Variants in PTPRZ1 observed in about 807,000 individuals in gnomAD.
PTPRZ1 encodes the protein protein tyrosine phosphatase receptor type Z1, also known as receptor-type tyrosine-protein phosphatase zeta.
Under a neutral mutation model 214.1 loss-of-function variants are expected in PTPRZ1, and 82 were observed. That is an observed-to-expected ratio of 0.38 (90% CI 0.32 to 0.46). The LOEUF (loss-of-function observed/expected upper bound fraction) is 0.46. Ranked by LOEUF, PTPRZ1 falls within the 20% of genes least tolerant of loss-of-function variation. The pLI is 1.00. For synonymous variants in PTPRZ1, 945 were observed against 987.9 expected, an observed-to-expected ratio of 0.96 and a Z score of 0.81; for missense variants, 2,603 against 2,748.7, an observed-to-expected ratio of 0.95 and a Z score of 1.19.
chr7:121,879,982 A>T (rs1562997815), intron 1 of PTPRZ1, among the ~76,000 whole-genome samples: 1 of 152,128 alleles, frequency 6.6e-6, no homozygotes, highest in Non-Finnish European at 1.5e-5. Context: ...CTTGATGAAA[A>T]GTTTGATAGG....
At chr7:121,916,406 G>A (rs1419375967) in intron 1 of PTPRZ1, among the ~76,000 whole-genome samples, 1 of 152,116 alleles carries the variant, frequency 6.6e-6, no homozygotes, top group East Asian at 1.9e-4. Context: ...GCAGAGTCCT[G>A]GCCAAAAACA....
At chr7:121,886,555 T>C (rs1360474259) in intron 1 of PTPRZ1, among the ~76,000 whole-genome samples, 1 of 151,922 alleles carries the variant, frequency 6.6e-6, no homozygotes, top group East Asian at 1.9e-4. Flanking sequence ...CCAGCCTACT[T>C]TCTTGCCAAG....
At chr7:122,019,355 C>G (rs1798947737) in intron 13 of PTPRZ1, 87 bp downstream of exon 13, 1 of 1,336,686 alleles carries the variant, frequency 7.5e-7, no homozygotes. Context: ...AAAGCATATT[C>G]AAAATGTATT....
At chr7:122,019,340 T>C (rs949482870) in intron 13 of PTPRZ1, 72 bp downstream of exon 13, 7 of 1,414,070 alleles carry the variant, frequency 5.0e-6, no homozygotes, top group Admixed American at 3.9e-5. Context: ...ATCTGAAAGG[T>C]CTTCAAAGCA....
chr7:121,927,153 A>T (rs990991244), intron 1 of PTPRZ1, among the ~76,000 whole-genome samples: 1 of 152,262 alleles, frequency 6.6e-6, no homozygotes, highest in African/African-American at 2.4e-5. Context: ...TTCATACTAT[A>T]TAAACAGAGT....
intron 19 of PTPRZ1, 129 bp downstream of exon 19, chr7:122,039,018 A>G (rs1799634169): frequency 3.0e-6 from 3 of 983,672 alleles, no homozygotes; most frequent in African/African-American, 3.3e-5. Flanking sequence ...TTTAGTAAAT[A>G]TGACAGCTAA....
At chr7:121,995,986 T>C (rs531652787) in intron 8 of PTPRZ1, among the ~76,000 whole-genome samples, 1 of 152,216 alleles carries the variant, frequency 6.6e-6, no homozygotes, top group South Asian at 2.1e-4. Context: ...TACAGAGCTA[T>C]GGTTCTTATG....
At chr7:121,942,441 G>A (rs1194803352) in intron 2 of PTPRZ1, among the ~76,000 whole-genome samples, 2 of 152,112 alleles carry the variant, frequency 1.3e-5, no homozygotes, top group African/African-American at 4.8e-5. Context: ...GCCAGTTTAG[G>A]ATATATTTAT....
At chr7:122,035,417 A>G (rs1295218545) in intron 17 of PTPRZ1, among the ~76,000 whole-genome samples, 1 of 152,210 alleles carries the variant, frequency 6.6e-6, no homozygotes. Context: ...ACTTTCCTCT[A>G]CAAGCTAAAT....
At chr7:122,041,338 G>T (rs1379150293) in intron 21 of PTPRZ1, among the ~76,000 whole-genome samples, 1 of 152,024 alleles carries the variant, frequency 6.6e-6, no homozygotes, top group East Asian at 1.9e-4. Context: ...TACAACCCCT[G>T]TCCCTAGGAG....
At chr7:122,001,519 C>T (rs559059045) in intron 10 of PTPRZ1, among the ~76,000 whole-genome samples, 6 of 152,236 alleles carry the variant, frequency 3.9e-5, no homozygotes, top group Admixed American at 2.0e-4. Flanking sequence ...TCTTAAGTCA[C>T]CATACATCTG....
At chr7:121,908,625 A>C (rs1795183672) in intron 1 of PTPRZ1, 1 of 395,666 alleles carries the variant, frequency 2.5e-6, no homozygotes, top group Non-Finnish European at 4.8e-6. Context: ...CTTTAATTAC[A>C]AGTAACCATA....
Position 121,880,933 on chromosome 7 carries a change from C to T in PTPRZ1, c.58+7376C>T, listed in dbSNP as rs529296335. 7.2e-5 allele frequency among the ~76,000 whole-genome samples: 11 copies of T among 152,206 alleles called. No homozygotes were observed. In the East Asian group the frequency reaches 2.1e-3, roughly 29 times the overall value. On this transcript the variant is annotated intron_variant, in intron 1 of 29. Coordinates refer to ENST00000393386, the MANE Select transcript of PTPRZ1 (RefSeq NM_002851.3). ...TATTATTGTCATGTGTGTTTTAGTG[C>T]ACAAAAACGCTGACAACCATTTATC...
At chr7:121,908,895 A>C in intron 1 of PTPRZ1, 1 of 512,840 alleles carries the variant, frequency 1.9e-6, no homozygotes, top group Non-Finnish European at 3.9e-6. Flanking sequence ...TTTTTTATTG[A>C]ATATTCATTG....
intron 1 of PTPRZ1, among the ~76,000 whole-genome samples, chr7:121,906,572 G>A (rs925424438): frequency 1.3e-5 from 2 of 152,114 alleles, no homozygotes; most frequent in Admixed American, 6.6e-5. Flanking sequence ...TAATTAAGTT[G>A]AAGCTTGGCA....
intron 2 of PTPRZ1, among the ~76,000 whole-genome samples, chr7:121,947,886 A>T (rs1454836309): frequency 1.3e-5 from 2 of 152,156 alleles, no homozygotes; most frequent in African/African-American, 2.4e-5. Context: ...AAACTGGGAC[A>T]CATGAAATGG....
At chr7:121,936,379 C>T (rs1796086127) in intron 2 of PTPRZ1, among the ~76,000 whole-genome samples, 1 of 152,152 alleles carries the variant, frequency 6.6e-6, no homozygotes, top group South Asian at 2.1e-4. Context: ...GTGTATATGG[C>T]TGTTTATCCT....
chr7:122,054,205 T>A (rs546433128), intron 26 of PTPRZ1, among the ~76,000 whole-genome samples, 167 bp downstream of exon 26: 2 of 152,192 alleles, frequency 1.3e-5, no homozygotes, highest in South Asian at 4.1e-4. Context: ...CATTATACAA[T>A]CTCCTAGGTC....
chr7:121,920,687 T>G (rs553577105), intron 1 of PTPRZ1, among the ~76,000 whole-genome samples: 1 of 152,320 alleles, frequency 6.6e-6, no homozygotes, highest in Non-Finnish European at 1.5e-5. Flanking sequence ...ATGTGGTACT[T>G]CATCCACAGA....
Sources: gnomAD v4.1 joint callset for allele counts (sites outside exome capture counted in the v4.1 genomes callset) on GRCh38, gnomAD v4.1.1 for gene constraint, MANE v1.5 for transcripts, NCBI Gene and HGNC (gene_info 2026-07-23, HGNC 2026-07-21) for gene names.